NOC3L: variants seen among roughly 807,000 people sequenced by gnomAD.
NOC3L encodes nucleolar complex protein 3 homolog.
NOC3L carries 85 observed loss-of-function variants against 102.5 expected under a neutral mutation model. That is an observed-to-expected ratio of 0.83 (90% confidence interval 0.70 to 0.99). The LOEUF (loss-of-function observed/expected upper bound fraction) is 0.99, where lower values mean the gene tolerates loss of function less well. Ranked by LOEUF, NOC3L falls within the 50% of genes least tolerant of loss-of-function variation. NOC3L has a pLI of 0.00. For synonymous variants in NOC3L, 303 were observed against 309.4 expected (o/e 0.98, Z 0.22); for missense variants, 878 against 914.9 (o/e 0.96, Z 0.52).
chr10:94,352,518 C>CA (rs1452698324), intron 7 of NOC3L, 115 bp from the exon 8 acceptor site: 1 of 700,882 alleles, frequency 1.4e-6, no homozygotes, highest in Non-Finnish European at 2.4e-6. Flanking sequence ...AAACAAAAAA[C>CA]AAAAAACGCG....
At chr10:94,324,963 A>G in the NOC3L span, 1 of 1,614,174 alleles carries the variant, frequency 6.2e-7, no homozygotes, top group Non-Finnish European at 8.5e-7. Context: ...AGTCAACTAA[A>G]CAGCCCCGAG....
intron 13 of NOC3L, among the ~76,000 whole-genome samples, chr10:94,343,652 G>A (rs2054310864): frequency 6.6e-6 from 1 of 152,120 alleles, no homozygotes; most frequent in Non-Finnish European, 1.5e-5. Context: ...GTGGCTGTTA[G>A]GCACTTAAAA....
intron 6 of NOC3L, among the ~76,000 whole-genome samples, chr10:94,354,727 G>A (rs561918535): frequency 1.3e-5 from 2 of 152,282 alleles, no homozygotes; most frequent in South Asian, 2.1e-4. Context: ...CATATATGAA[G>A]ATGAGGAGAA....
chr10:94,337,068 C>CA (rs577577956), intron 19 of NOC3L, among the ~76,000 whole-genome samples: 5,215 of 78,320 alleles, frequency 0.067, 261 homozygotes, highest in African/African-American at 0.17. Flanking sequence ...GACTCCATCT[C>CA]AAAAAAAAAA....
intron 5 of NOC3L, 26 bp downstream of exon 5, chr10:94,356,509 A>C (rs1457926271): frequency 6.9e-7 from 1 of 1,448,262 alleles, no homozygotes; most frequent in Non-Finnish European, 9.7e-7. Flanking sequence ...TCAATTAACA[A>C]TTTAGTAACT....
intron 6 of NOC3L, 80 bp from the exon 7 acceptor site, chr10:94,353,137 C>T: frequency 8.5e-7 from 1 of 1,177,548 alleles, no homozygotes; most frequent in South Asian, 1.4e-5. Context: ...CCACATCCGG[C>T]AAAACAAGCG....
rs200459360 is a variant in NOC3L at position 94,339,769 on chromosome 10, G to A, written c.1932C>T (p.Gly644=). Residue 644 remains glycine (G), a synonymous_variant, in exon 17 of 21, where the codon GGC becomes GGT. Transcript: ENST00000371361. ...ALHVLPNSSI[G]ILATTRILMH... is the part of the protein sequence containing the mutation. ...TTAATATTCTGGTAGTTGCTAAAAT[G>A]CCAATACTTGAATTTGGAAGAACAT... is the stretch of plus-strand genomic sequence containing the variant. The A allele has an allele frequency of 3.9e-5, 63 of 1,613,958 alleles. No individual in the cohort carries two copies. In the South Asian group the frequency reaches 6.8e-4, roughly 17 times the overall value.
intron 2 of NOC3L, 37 bp from the exon 3 acceptor site, chr10:94,358,252 A>G (rs1250045401): frequency 9.0e-7 from 1 of 1,115,736 alleles, no homozygotes; most frequent in South Asian, 1.3e-5. Flanking sequence ...GAAAAATTAG[A>G]AACAAGTATC....
intron 8 of NOC3L, among the ~76,000 whole-genome samples, chr10:94,350,855 G>A (rs753906363): frequency 1.3e-5 from 2 of 151,574 alleles, no homozygotes; most frequent in Non-Finnish European, 2.9e-5. Context: ...TACAAATTAA[G>A]ATATACTCTA....
intron 13 of NOC3L, among the ~76,000 whole-genome samples, chr10:94,342,982 G>A (rs568784440): frequency 2.6e-5 from 4 of 152,072 alleles, no homozygotes; most frequent in Middle Eastern, 3.4e-3. Context: ...CTACTCGAGA[G>A]GCTGAGGCAG....
intron 13 of NOC3L, 83 bp downstream of exon 13, chr10:94,344,331 GC>G (rs1191146454): frequency 1.3e-6 from 1 of 757,846 alleles, no homozygotes; most frequent in African/African-American, 1.7e-5. Context: ...AGGATAATGG[GC>G]CATCATTAGG....
rs550616864 is a variant in NOC3L, at chr10:94,343,413, CA to C, written c.1571+1001del. ...AAAAATAAAAACAGCAAGTCCTACA[CA>C]ATGTAGGAATAATCCCTTCTCTGAC... is the stretch of plus-strand genomic sequence containing the variant. On this transcript the variant is annotated intron_variant, in intron 13 of 20. Coordinates refer to ENST00000371361, the MANE Select transcript of NOC3L (RefSeq NM_022451.11). Among the ~76,000 whole-genome samples the C allele has an allele frequency of 1.3e-3, 198 of 152,252 alleles. 1 individual carries two copies. Among genetic ancestry groups the C allele is most frequent in the South Asian group, 4.4e-3 (21 of 4,814 alleles).
At chr10:94,336,917 A>T (rs989768866) in intron 19 of NOC3L, among the ~76,000 whole-genome samples, 6 of 151,676 alleles carry the variant, frequency 4.0e-5, no homozygotes, top group Non-Finnish European at 7.4e-5. Flanking sequence ...AAAATTACAA[A>T]AATTAGCTGG....
chr10:94,346,887 A>G (rs1190462545), intron 10 of NOC3L, among the ~76,000 whole-genome samples: 2 of 152,186 alleles, frequency 1.3e-5, no homozygotes, highest in Non-Finnish European at 2.9e-5. Context: ...GGTTTGGACC[A>G]GTATGGGAGA....
chr10:94,340,377 T>C (rs748272797), intron 15 of NOC3L, 30 bp from the exon 16 acceptor site: 1 of 1,609,260 alleles, frequency 6.2e-7, no homozygotes, highest in Admixed American at 1.7e-5. Flanking sequence ...ACCAATTAGG[T>C]ATGTTATAGC....
the NOC3L span, chr10:94,324,626 G>A: frequency 7.5e-7 from 1 of 1,339,210 alleles, no homozygotes; most frequent in Non-Finnish European, 1.1e-6. Context: ...TAATTACACT[G>A]TAGCCAGATC....
Position 94,352,878 on chromosome 10 carries a change from C to A in NOC3L, c.858+18G>T, listed in dbSNP as rs1262888434. On this transcript the variant is annotated intron_variant, in intron 7 of 20. Transcript: ENST00000371361. ...TAGTTATTTTAGATAGTAATTATAT[C>A]TAGCAATCTAGCATTACCTTAGTAG... The A allele has an allele frequency of 1.3e-6, 2 of 1,595,924 alleles. No homozygotes were observed. The highest frequency in any genetic ancestry group is 3.5e-5 in the Admixed American group (2 of 57,340).
At chr10:94,333,121 CTAAGCTCCAGAGTAAA>C (rs1187787059), downstream of NOC3L, 15 of 152,160 alleles carry the variant, frequency 9.9e-5, no homozygotes, top group Admixed American at 8.5e-4. Context: ...AAAAAGAACT[CTAAGCTCCAGAGTAAA>C]ATAACTGGCT....
chr10:94,344,448 G>C lies in NOC3L; in HGVS notation c.1538C>G (p.Pro513Arg), dbSNP rs1213446283. 3 of 1,613,444 alleles carry C rather than the reference G, an allele frequency of 1.9e-6. No individual in the cohort carries two copies. The highest frequency in any genetic ancestry group is 1.3e-5 in the African/African-American group (1 of 74,916). The change falls in exon 13 of 21, where the codon CCT (proline) becomes CGT (arginine). Residue 513 changes from proline (P) to arginine (R), a missense_variant. Coordinates refer to ENST00000371361, the MANE Select transcript of NOC3L (RefSeq NM_022451.11). ...ACCTTCTAGAACTGCTGGCAGGAGAGGTGACCTCTGGGCCTTCTTCAATAT... is the reference window on the plus strand; with the variant it reads ...ACCTTCTAGAACTGCTGGCAGGAGACGTGACCTCTGGGCCTTCTTCAATAT... ...FRILKKAQRS[P>R]LLPAVLEGLA... is the part of the protein sequence containing the mutation.
Sources: gnomAD v4.1 joint callset for allele counts (sites outside exome capture counted in the v4.1 genomes callset) on GRCh38, gnomAD v4.1.1 for gene constraint, MANE v1.5 for transcripts, NCBI Gene and HGNC (gene_info 2026-07-23, HGNC 2026-07-21) for gene names.